Variants in SYNPO2 observed in about 807,000 individuals in gnomAD.
SYNPO2 encodes the protein synaptopodin 2, also known as synaptopodin-2.
Under a neutral mutation model 85.0 loss-of-function variants are expected in SYNPO2, and 56 were observed. That is an observed-to-expected ratio of 0.66 (90% CI 0.53 to 0.82). SYNPO2 has a LOEUF of 0.82. SYNPO2 is among the 40% of genes least tolerant of loss of function. SYNPO2 has a pLI of 0.00. For missense variants in SYNPO2, 1,575 were observed against 1,534.2 expected, an observed-to-expected ratio of 1.03 and a Z score of -0.44; for synonymous variants, 602 against 591.1, an observed-to-expected ratio of 1.02 and a Z score of -0.27.
intron 1 of SYNPO2, among the ~76,000 whole-genome samples, chr4:118,988,077 G>T (rs1736283329): frequency 6.6e-6 from 1 of 152,162 alleles, no homozygotes; most frequent in African/African-American, 2.4e-5. Flanking sequence ...TTGCTAATCT[G>T]CACATGTACT....
intron 1 of SYNPO2, among the ~76,000 whole-genome samples, chr4:118,983,786 C>T (rs1242636800): frequency 1.3e-5 from 2 of 152,230 alleles, no homozygotes; most frequent in East Asian, 3.8e-4. Flanking sequence ...AAGCTACGTG[C>T]CTGCCCTTCC....
chr4:118,987,496 C>T (rs1736262444), intron 1 of SYNPO2, among the ~76,000 whole-genome samples: 1 of 152,120 alleles, frequency 6.6e-6, no homozygotes, highest in African/African-American at 2.4e-5. Flanking sequence ...ACAGGCTGAT[C>T]GACAAAAAAT....
upstream of SYNPO2, among the ~76,000 whole-genome samples, chr4:118,887,909 T>G (rs1323981596): frequency 6.6e-6 from 1 of 152,204 alleles, no homozygotes; most frequent in South Asian, 2.1e-4. Flanking sequence ...TTAGTATGTT[T>G]TTATGTGGAT....
intron 1 of SYNPO2, among the ~76,000 whole-genome samples, chr4:118,997,725 G>A (rs890234100): frequency 5.9e-5 from 9 of 152,250 alleles, no homozygotes; most frequent in African/African-American, 2.2e-4. Context: ...TCTTCTCTGG[G>A]CAGTACTTTT....
chr4:118,909,346 A>T (rs1263646023), intron 1 of SYNPO2, among the ~76,000 whole-genome samples: 1 of 152,126 alleles, frequency 6.6e-6, no homozygotes. Flanking sequence ...TAGGCTAAAA[A>T]GATGTCCCTG....
intron 1 of SYNPO2, among the ~76,000 whole-genome samples, chr4:118,924,303 G>A (rs1216576448): frequency 6.6e-6 from 1 of 152,160 alleles, no homozygotes; most frequent in Non-Finnish European, 1.5e-5. Context: ...GCCGGAAAGG[G>A]TCAAATGTTA....
intron 2 of SYNPO2, among the ~76,000 whole-genome samples, chr4:119,024,699 A>G (rs940916286): frequency 6.6e-6 from 1 of 152,186 alleles, no homozygotes; most frequent in African/African-American, 2.4e-5. Flanking sequence ...AAAAAATTAC[A>G]AAGTAAGTAA....
intron 1 of SYNPO2, among the ~76,000 whole-genome samples, chr4:118,914,065 A>G (rs955931952): frequency 2.0e-5 from 3 of 152,144 alleles, no homozygotes; most frequent in African/African-American, 7.2e-5. Context: ...GACAAATTAG[A>G]AGGATATAGG....
At chr4:118,988,954 T>TA (rs775810136) in intron 1 of SYNPO2, among the ~76,000 whole-genome samples, 19 of 152,158 alleles carry the variant, frequency 1.2e-4, no homozygotes, top group Non-Finnish European at 2.5e-4. Context: ...AACTGGTACT[T>TA]ATGGTGACCA....
At chr4:118,899,021 G>A (rs544558129) in intron 1 of SYNPO2, among the ~76,000 whole-genome samples, 3 of 152,256 alleles carry the variant, frequency 2.0e-5, no homozygotes, top group Non-Finnish European at 2.9e-5. Context: ...TTGTCTAGTC[G>A]GAGGGGAGCA....
chr4:118,855,840 T>G (rs1731496021), intron 1 of SYNPO2, among the ~76,000 whole-genome samples: 1 of 152,210 alleles, frequency 6.6e-6, no homozygotes, highest in Admixed American at 6.5e-5. Flanking sequence ...ACTTACAACT[T>G]AATGATTTCT....
chr4:119,012,311 CT>C (rs1265839341), intron 1 of SYNPO2, among the ~76,000 whole-genome samples: 3 of 151,820 alleles, frequency 2.0e-5, no homozygotes, highest in Non-Finnish European at 4.4e-5. Context: ...GATCTTTAGC[CT>C]GAATTGGTTG....
At chr4:118,875,335 G>A (rs1731885423) in intron 1 of SYNPO2, among the ~76,000 whole-genome samples, 1 of 151,882 alleles carries the variant, frequency 6.6e-6, no homozygotes, top group Non-Finnish European at 1.5e-5. Context: ...TTTTGGTTGA[G>A]TACTCTCTCT....
At chr4:119,054,245 C>T (rs1739139707) in intron 4 of SYNPO2, among the ~76,000 whole-genome samples, 1 of 152,224 alleles carries the variant, frequency 6.6e-6, no homozygotes, top group South Asian at 2.1e-4. Flanking sequence ...GGGAGCGTTA[C>T]AGTGCTCTCT....
intron 1 of SYNPO2, among the ~76,000 whole-genome samples, chr4:118,947,245 G>C (rs561062587): frequency 6.6e-6 from 1 of 152,242 alleles, no homozygotes; most frequent in African/African-American, 2.4e-5. Flanking sequence ...GTTTACATCA[G>C]GCACAATGCA....
chr4:118,911,781 A>C lies in SYNPO2; in HGVS notation c.105+22640A>C, dbSNP rs370747172. 1.2e-4 allele frequency among the ~76,000 whole-genome samples: 18 copies of C among 152,328 alleles called. 1 individual carries two copies. Among genetic ancestry groups the C allele is most frequent in the Admixed American group, 4.6e-4 (7 of 15,298 alleles). On this transcript the variant is annotated intron_variant, in intron 1 of 4. Transcript: ENST00000307142. ...AGTTGAGATGAGACATGAACTAAAA[A>C]TTATTTTGTTTACAAATCCCATTTT...
intron 1 of SYNPO2, among the ~76,000 whole-genome samples, chr4:118,924,112 C>T (rs1185388778): frequency 6.6e-6 from 1 of 152,058 alleles, no homozygotes; most frequent in Non-Finnish European, 1.5e-5. Flanking sequence ...AAAGGCAGTA[C>T]CCAAGTGCTC....
rs3051232 is a variant in SYNPO2 at position 118,930,751 on chromosome 4, CAAAA to C, written c.105+41626_105+41629del. ...GGAACATAGGAAGACCCCATATCTA[CAAAA>C]AAAAAAAAAAAAAAATTAGCCAGGC... is the stretch of plus-strand genomic sequence containing the variant. On this transcript the variant is annotated intron_variant, in intron 1 of 4. Coordinates refer to ENST00000307142, the MANE Select transcript of SYNPO2 (RefSeq NM_133477.3). Among the ~76,000 whole-genome samples, 332 of 119,994 alleles carry C rather than the reference CAAAA, an allele frequency of 2.8e-3. 1 individual carries two copies. The highest frequency in any genetic ancestry group is 0.01 in the African/African-American group (312 of 30,358). The allele number at this position is 119,994 out of a possible 152,430, so 78.7% of individuals were successfully genotyped here.
At chr4:118,901,982 G>A (rs944686659) in intron 1 of SYNPO2, among the ~76,000 whole-genome samples, 32 of 152,138 alleles carry the variant, frequency 2.1e-4, no homozygotes, top group African/African-American at 7.7e-4. Flanking sequence ...CCAGGCACAG[G>A]GTTCTAAAGG....
Sources: allele counts gnomAD v4.1 joint callset (sites outside exome capture counted in the v4.1 genomes callset), GRCh38; gene constraint gnomAD v4.1.1; transcripts MANE v1.5; gene names NCBI Gene and HGNC (gene_info 2026-07-23, HGNC 2026-07-21).